Variants in ABTB2 observed in about 807,000 individuals in gnomAD.
ABTB2 encodes the protein ankyrin repeat and BTB/POZ domain-containing protein 2.
ABTB2 carries 56 observed loss-of-function variants against 104.1 expected under a neutral mutation model. The observed-to-expected ratio is 0.54, with a 90% CI of 0.43 to 0.67. The LOEUF (loss-of-function observed/expected upper bound fraction) is 0.67. Ranked by LOEUF, ABTB2 falls within the 30% of genes least tolerant of loss-of-function variation. The probability of loss-of-function intolerance (pLI) is 0.00; values close to 1 mark genes in which losing one functional copy is unlikely to be tolerated. For missense variants in ABTB2, 1,279 were observed against 1,407.7 expected (o/e 0.91, Z 1.46); for synonymous variants, 606 against 608.2 (o/e 1.00, Z 0.05).
chr11:34,161,426 C>T (rs1852719563), intron 10 of ABTB2, among the ~76,000 whole-genome samples: 1 of 152,160 alleles, frequency 6.6e-6, no homozygotes, highest in African/African-American at 2.4e-5. Context: ...GGCCCAGCAC[C>T]CAAAGTAGCC....
In ABTB2 at chr11:34,356,065, G is replaced by A. The variant is rs1016692470; in HGVS notation, c.883+636C>T. 6.6e-6 allele frequency among the ~76,000 whole-genome samples: 1 copy of A among 152,156 alleles called. No individual in the cohort carries two copies. Among genetic ancestry groups the A allele is most frequent in the Admixed American group, 6.5e-5 (1 of 15,276 alleles). ...AATCTGTGGTTACTTTTCTGGGAAGGGGAGTCGGGGTCCCCAGGTTTCATC... is the reference window on the plus strand; with the variant it reads ...AATCTGTGGTTACTTTTCTGGGAAGAGGAGTCGGGGTCCCCAGGTTTCATC... On this transcript the variant is annotated intron_variant, in intron 1 of 16. Transcript: ENST00000435224. This position sits in a 1 kb window ranked among gnomAD's most constrained non-coding sequence, Gnocchi z 4.6.
intron 1 of ABTB2, among the ~76,000 whole-genome samples, chr11:34,229,240 T>G (rs1215207178): frequency 1.3e-5 from 2 of 151,924 alleles, no homozygotes; most frequent in Non-Finnish European, 2.9e-5. Context: ...CGCAGCACTT[T>G]GGGAGGCCGA....
chr11:34,160,886 C>A lies in ABTB2; in HGVS notation c.2397+17G>T. 6.3e-7 allele frequency: 1 copy of A among 1,587,402 alleles called. No homozygotes were observed. On this transcript the variant is annotated intron_variant, in intron 11 of 16. Coordinates refer to ENST00000435224, the MANE Select transcript of ABTB2 (RefSeq NM_145804.3). ...TCTGGGCCGTGGGCTTGGGAACTGG[C>A]CACTGGCCACACTTACTTTGCTGGT...
chr11:34,327,053 C>T (rs1363566470), intron 1 of ABTB2, among the ~76,000 whole-genome samples: 1 of 152,058 alleles, frequency 6.6e-6, no homozygotes, highest in Non-Finnish European at 1.5e-5. Flanking sequence ...ATAGCCTGGG[C>T]AACAGAGCGA....
At chr11:34,242,603 A>T (rs942577836) in intron 1 of ABTB2, 18 of 152,218 alleles carry the variant, frequency 1.2e-4, no homozygotes, top group African/African-American at 4.1e-4. Flanking sequence ...AAGTTCTAGA[A>T]TAGTTGTAAC....
chr11:34,166,515 T>C (rs2473920), intron 7 of ABTB2, among the ~76,000 whole-genome samples: 2,314 of 152,330 alleles, frequency 0.015, 58 homozygotes, highest in African/African-American at 0.052. Context: ...GCTGAGTCCT[T>C]GTGATAGGCT....
chr11:34,215,361 T>C (rs879483867), intron 1 of ABTB2, among the ~76,000 whole-genome samples: 2 of 152,190 alleles, frequency 1.3e-5, no homozygotes, highest in Non-Finnish European at 2.9e-5. Context: ...CACAAGTCTC[T>C]CCTTGAGAGT....
At chr11:34,313,500 G>C (rs1414546126) in intron 1 of ABTB2, among the ~76,000 whole-genome samples, 11 of 152,242 alleles carry the variant, frequency 7.2e-5, no homozygotes, top group Non-Finnish European at 4.4e-5. Context: ...TGGGGCCCAG[G>C]CTCCCCGGAG....
chr11:34,194,552 G>C (rs1853223116), intron 3 of ABTB2, among the ~76,000 whole-genome samples: 2 of 151,542 alleles, frequency 1.3e-5, no homozygotes, highest in African/African-American at 4.9e-5. Context: ...CAGGGTGCTG[G>C]GGCCTTGATG....
intron 1 of ABTB2, among the ~76,000 whole-genome samples, chr11:34,286,461 G>T (rs1349080664): frequency 6.6e-6 from 1 of 151,452 alleles, no homozygotes; most frequent in Admixed American, 6.6e-5. Context: ...CCCAGCTAAT[G>T]TTTGTATTTT....
At chr11:34,300,770 A>G (rs567589998) in intron 1 of ABTB2, among the ~76,000 whole-genome samples, 119 of 152,334 alleles carry the variant, frequency 7.8e-4, no homozygotes, top group African/African-American at 2.7e-3. Context: ...ACCAATGAGA[A>G]GGGGTTTTAG....
intron 2 of ABTB2, among the ~76,000 whole-genome samples, chr11:34,202,611 T>C (rs2957501): frequency 0.98 from 148,680 of 152,252 alleles, 72,712 homozygotes; most frequent in East Asian, 1. Context: ...GAGGCCAAAG[T>C]GGGGAATCAC....
chr11:34,162,739 C>G lies in ABTB2; in HGVS notation c.2055G>C (p.Glu685Asp), dbSNP rs1363945419. 1 of 1,611,224 alleles carries G rather than the reference C, an allele frequency of 6.2e-7. No individual in the cohort carries two copies. ...TTTCCTCCACACCCTCGGCCAGGAT[C>G]TCCTCCAGGGACAGCACGTCCGCTT... is the stretch of plus-strand genomic sequence containing the variant. Reference protein sequence around the residue: ...QAKADVLSLEEILAEGVEESD... With the variant: ...QAKADVLSLEDILAEGVEESD... Residue 685 changes from glutamate to aspartate, a missense_variant, in exon 10 of 17, where the codon GAG becomes GAC. Transcript: ENST00000435224.
In ABTB2 at chr11:34,152,327, C is replaced by A; in HGVS notation, c.*60G>T. On this transcript the variant is annotated 3_prime_UTR_variant, in exon 17 of 17. Coordinates refer to ENST00000435224, the MANE Select transcript of ABTB2 (RefSeq NM_145804.3). ...TCCAAGAGGGCCTACAACCATACCC[C>A]GACATGGTGGGCCCTGGCACCTCCA... 6.6e-7 allele frequency: 1 copy of A among 1,508,866 alleles called. No homozygotes were observed. The highest frequency in any genetic ancestry group is 1.2e-5 in the South Asian group (1 of 80,382). 93.5% of individuals were successfully genotyped at this position (1,508,866 alleles called of 1,614,324 possible). A position where few individuals can be genotyped will look rare whatever the true frequency, so the allele number is the denominator to read the frequency against.
chr11:34,313,077 T>C (rs1854878666), intron 1 of ABTB2, among the ~76,000 whole-genome samples: 1 of 152,226 alleles, frequency 6.6e-6, no homozygotes, highest in Non-Finnish European at 1.5e-5. Flanking sequence ...TCTATATTCA[T>C]GATTTAGAAA....
rs1853557438 is a variant in ABTB2 at position 34,216,939 on chromosome 11, T to C, written c.884-12249A>G. 2.6e-5 allele frequency among the ~76,000 whole-genome samples: 4 copies of C among 152,350 alleles called. No individual in the cohort carries two copies. In the South Asian group the frequency reaches 8.3e-4, roughly 32 times the overall value. On this transcript the variant is annotated intron_variant, in intron 1 of 16. Transcript: ENST00000435224. ...TGCCATGGTTGGTTTACCATTTCCATGGCAACACCTAGATGTTCCTGCCTC... is the reference window on the plus strand; with the variant it reads ...TGCCATGGTTGGTTTACCATTTCCACGGCAACACCTAGATGTTCCTGCCTC...
chr11:34,285,424 G>A (rs1419752738), intron 1 of ABTB2, among the ~76,000 whole-genome samples: 1 of 152,114 alleles, frequency 6.6e-6, no homozygotes, highest in East Asian at 1.9e-4. Context: ...CCTTGCCAAC[G>A]GAAAACAGGG....
chr11:34,232,929 C>A (rs1406125927), intron 1 of ABTB2, among the ~76,000 whole-genome samples: 1 of 152,070 alleles, frequency 6.6e-6, no homozygotes, highest in Admixed American at 6.6e-5. Flanking sequence ...CACTGCACTC[C>A]AGCCTGGGTG....
Position 34,356,665 on chromosome 11 carries a change from C to A in ABTB2, c.883+36G>T. 1 of 1,520,220 alleles carries A rather than the reference C, an allele frequency of 6.6e-7. No homozygotes were observed. Among genetic ancestry groups the A allele is most frequent in the Non-Finnish European group, 8.9e-7 (1 of 1,125,868 alleles). 94.2% of individuals were successfully genotyped at this position (1,520,220 alleles called of 1,614,324 possible). ...AGTAGCCCAGGGCGGGATTTCTTGCCTACCCAGTCTGCCAGTCCGAGGCCC... is the reference window on the plus strand; with the variant it reads ...AGTAGCCCAGGGCGGGATTTCTTGCATACCCAGTCTGCCAGTCCGAGGCCC... On this transcript the variant is annotated intron_variant, in intron 1 of 16. Transcript: ENST00000435224. This position sits in a 1 kb window ranked among gnomAD's most constrained non-coding sequence, Gnocchi z 4.6.
Sources: allele counts gnomAD v4.1 joint callset (sites outside exome capture counted in the v4.1 genomes callset), GRCh38; gene constraint gnomAD v4.1.1; non-coding constraint Gnocchi (gnomAD v3.1); transcripts MANE v1.5; gene names NCBI Gene and HGNC (gene_info 2026-07-23, HGNC 2026-07-21).